Variants in RRP12 observed in about 807,000 individuals in gnomAD.
RRP12 encodes the protein ribosomal RNA processing 12 homolog, also known as RRP12-like protein.
In RRP12, 78 loss-of-function variants were observed where a neutral mutation model predicts 157.3. That is an observed-to-expected ratio of 0.50 (90% CI 0.41 to 0.60). RRP12 has a LOEUF of 0.60. RRP12 is among the 20% of genes least tolerant of loss of function. RRP12 has a pLI of 0.00. For missense variants in RRP12, 1,521 were observed against 1,679.9 expected, an observed-to-expected ratio of 0.91 and a Z score of 1.65; for synonymous variants, 726 against 670.9, an observed-to-expected ratio of 1.08 and a Z score of -1.27.
intron 19 of RRP12, 64 bp downstream of exon 19, chr10:97,372,672 G>A (rs762448127): frequency 1.4e-5 from 19 of 1,314,940 alleles, no homozygotes; most frequent in Non-Finnish European, 2.0e-5. Flanking sequence ...CAGTGCTTCT[G>A]CCAGATGCAC....
chr10:97,385,575 C>T (rs1214308409), intron 9 of RRP12, among the ~76,000 whole-genome samples: 3 of 151,984 alleles, frequency 2.0e-5, no homozygotes, highest in Admixed American at 1.3e-4. Context: ...GGGATCTGAT[C>T]CCCCCTCCCA....
chr10:97,373,589 T>C lies in RRP12; in HGVS notation c.2012A>G (p.Lys671Arg). 6.2e-7 allele frequency: 1 copy of C among 1,603,512 alleles called. No individual in the cohort carries two copies. Among genetic ancestry groups the C allele is most frequent in the Non-Finnish European group, 8.5e-7 (1 of 1,173,162 alleles). Residue 671 changes from lysine to arginine, a missense_variant, in exon 17 of 34, where the codon AAG becomes AGG. Transcript: ENST00000370992. ...VCQALRTLITKGCQAEADRAE... is the reference protein window; with the variant it reads ...VCQALRTLITRGCQAEADRAE... Reference sequence around the variant, plus strand: ...CCCACACGTACCTGCCTGGCAGCCCTTGGTGATGAGGGTGCGCAGGGCCTG... The same window carrying C: ...CCCACACGTACCTGCCTGGCAGCCCCTGGTGATGAGGGTGCGCAGGGCCTG...
intron 4 of RRP12, among the ~76,000 whole-genome samples, chr10:97,391,540 T>C (rs1350105911): frequency 4.6e-5 from 7 of 152,090 alleles, no homozygotes; most frequent in African/African-American, 1.4e-4. Flanking sequence ...CATTGCACTC[T>C]AGCCTGGGCA....
Position 97,366,222 on chromosome 10 carries a change from C to T in RRP12, c.3403G>A (p.Gly1135Arg), listed in dbSNP as rs986148206. ...VAQRVLATQP[G>R]PGRGRKKDHG... is the part of the protein sequence containing the mutation. The stretch of plus-strand genomic sequence containing the variant: ...TCCTTCTTCCTGCCCCGGCCTGGCC[C>T]TGGCTGCGTGGCTGGGGTGTAGAGT... The change falls in exon 29 of 34, where the codon GGG becomes AGG. Residue 1135 changes from glycine to arginine, a missense_variant. By Grantham distance (125) the Gly-to-Arg change is moderately radical (BLOSUM62 -2). Transcript: ENST00000370992. 5 of 1,611,562 alleles carry T rather than the reference C, an allele frequency of 3.1e-6. No individual in the cohort carries two copies. The highest frequency in any genetic ancestry group is 3.3e-4 in the Middle Eastern group (2 of 6,084).
chr10:97,380,859 C>T lies in RRP12; in HGVS notation c.1473G>A (p.Leu491=). 1 of 1,614,212 alleles carries T rather than the reference C, an allele frequency of 6.2e-7. No homozygotes were observed. The stretch of plus-strand genomic sequence containing the variant: ...CCTCGAAGAAGACACACAGCAGCTG[C>T]AACACGGAGCTCCAGGCCGCATGGA... ...YKFHAAWSSV[L]QLLCVFFEAC... Residue 491 remains leucine (L), a synonymous_variant, in exon 13 of 34, where the codon TTG becomes TTA. Coordinates refer to ENST00000370992, the MANE Select transcript of RRP12 (RefSeq NM_015179.4).
chr10:97,384,330 C>T (rs976134868), intron 10 of RRP12, among the ~76,000 whole-genome samples: 4 of 151,282 alleles, frequency 2.6e-5, no homozygotes, highest in African/African-American at 7.4e-5. Context: ...CTGAGGACCC[C>T]CAACCTCTGC....
intron 8 of RRP12, among the ~76,000 whole-genome samples, chr10:97,387,803 G>T (rs956274625): frequency 6.6e-6 from 1 of 151,958 alleles, no homozygotes; most frequent in South Asian, 2.1e-4. Flanking sequence ...TTAGCTGGGC[G>T]TGGTGGTGCA....
chr10:97,377,483 C>T (rs1428813728), intron 15 of RRP12, among the ~76,000 whole-genome samples: 3 of 152,094 alleles, frequency 2.0e-5, no homozygotes, highest in African/African-American at 4.8e-5. Flanking sequence ...GAACTGAGAT[C>T]GTGCCACTGC....
Position 97,358,535 on chromosome 10 carries a change from A to G in RRP12, c.3791+2T>C. ...CCCAGCCTGCCTGGCACAGCGTCATACCTGCGGTTGAGCTTGCTTCTGTTG... is the reference window on the plus strand; with the variant it reads ...CCCAGCCTGCCTGGCACAGCGTCATGCCTGCGGTTGAGCTTGCTTCTGTTG... On this transcript the variant is annotated splice_donor_variant, in intron 33 of 33. Coordinates refer to ENST00000370992, the MANE Select transcript of RRP12 (RefSeq NM_015179.4). LOFTEE classifies it high-confidence loss of function. 1.2e-6 allele frequency: 2 copies of G among 1,612,402 alleles called. No homozygotes were observed. Among genetic ancestry groups the G allele is most frequent in the African/African-American group, 1.3e-5 (1 of 74,856 alleles).
At chr10:97,390,221 G>C (rs1418046379) in intron 6 of RRP12, among the ~76,000 whole-genome samples, 1 of 152,220 alleles carries the variant, frequency 6.6e-6, no homozygotes, top group Non-Finnish European at 1.5e-5. Context: ...GACTCAGATA[G>C]GGCTGACAGG....
chr10:97,381,202 A>G (rs1844456827), intron 12 of RRP12, among the ~76,000 whole-genome samples, 184 bp downstream of exon 12: 1 of 152,216 alleles, frequency 6.6e-6, no homozygotes, highest in Non-Finnish European at 1.5e-5. Context: ...TGTGGCTAAA[A>G]CATGGCAGGT....
intron 32 of RRP12, 148 bp downstream of exon 32, chr10:97,358,795 C>A: frequency 1.3e-6 from 1 of 799,036 alleles, no homozygotes; most frequent in South Asian, 1.5e-5. Context: ...GCCACAAGGT[C>A]TTAGCATCTG....
chr10:97,379,854 G>C (rs1373339505), intron 13 of RRP12, 84 bp from the exon 14 acceptor site: 1 of 1,384,566 alleles, frequency 7.2e-7, no homozygotes, highest in Non-Finnish European at 9.7e-7. Context: ...GATGAGGCTG[G>C]AATTCTGGGC....
At chr10:97,375,885 CT>C (rs1210630906) in intron 15 of RRP12, among the ~76,000 whole-genome samples, 1 of 152,302 alleles carries the variant, frequency 6.6e-6, no homozygotes, top group East Asian at 1.9e-4. Flanking sequence ...GGGTGGATCA[CT>C]TGAGGTCAGG....
intron 4 of RRP12, chr10:97,393,274 C>T (rs1254187761): frequency 8.9e-6 from 4 of 448,042 alleles, no homozygotes; most frequent in African/African-American, 6.0e-5. Context: ...ACACTTGATT[C>T]TGTCATGAAC....
chr10:97,391,336 C>T (rs1032278435), intron 4 of RRP12, among the ~76,000 whole-genome samples: 1 of 152,136 alleles, frequency 6.6e-6, no homozygotes, highest in South Asian at 2.1e-4. Flanking sequence ...CTATGGGAGG[C>T]CAAGGTGGGC....
At chr10:97,386,741 A>G (rs1257446309) in intron 8 of RRP12, among the ~76,000 whole-genome samples, 1 of 152,186 alleles carries the variant, frequency 6.6e-6, no homozygotes, top group Non-Finnish European at 1.5e-5. Flanking sequence ...CTGTAATCCC[A>G]GCACTTTGGG....
At chr10:97,381,357 C>G in intron 12 of RRP12, 29 bp downstream of exon 12, 1 of 1,514,676 alleles carries the variant, frequency 6.6e-7, no homozygotes, top group Non-Finnish European at 9.0e-7. Flanking sequence ...TACCACCATC[C>G]CTTCCTAACA....
intron 3 of RRP12, among the ~76,000 whole-genome samples, chr10:97,394,236 G>A (rs1224606120): frequency 2.0e-5 from 3 of 152,038 alleles, no homozygotes; most frequent in African/African-American, 4.8e-5. Flanking sequence ...CCAGCTACTC[G>A]GGAGGCTGAG....
Sources: allele counts gnomAD v4.1 joint callset (sites outside exome capture counted in the v4.1 genomes callset), GRCh38; gene constraint gnomAD v4.1.1; transcripts MANE v1.5; gene names NCBI Gene and HGNC (gene_info 2026-07-23, HGNC 2026-07-21).